Variants in MGLL observed in about 807,000 individuals in gnomAD.
MGLL encodes the protein lysophospholipase homolog.
MGLL carries 7 observed loss-of-function variants against 29.1 expected under a neutral mutation model. The ratio of observed to expected loss-of-function variants is 0.24; its 90% CI spans 0.14 to 0.45. The LOEUF (loss-of-function observed/expected upper bound fraction) is 0.45. Ranked by LOEUF, MGLL falls within the 20% of genes least tolerant of loss-of-function variation. MGLL has a pLI of 0.99. For missense variants in MGLL, 356 were observed against 413.6 expected (o/e 0.86, Z 1.21); for synonymous variants, 148 against 168.3 (o/e 0.88, Z 0.93).
intron 3 of MGLL, among the ~76,000 whole-genome samples, chr3:127,773,898 G>A (rs1467399944): frequency 6.6e-6 from 1 of 152,170 alleles, no homozygotes; most frequent in East Asian, 1.9e-4. Context: ...AGGTCTGGTT[G>A]ACACTGCCAC....
intron 2 of MGLL, among the ~76,000 whole-genome samples, chr3:127,784,699 T>C (rs2077184337): frequency 6.6e-6 from 1 of 152,108 alleles, no homozygotes; most frequent in Non-Finnish European, 1.5e-5. Context: ...CTCATTCTGA[T>C]CTTCAGCTTC....
intron 6 of MGLL, among the ~76,000 whole-genome samples, chr3:127,708,680 A>G (rs2107603538): frequency 6.6e-6 from 1 of 152,244 alleles, no homozygotes; most frequent in Admixed American, 6.5e-5. Context: ...TCCCTGACCC[A>G]TCTTTCTCAA....
At chr3:127,693,457 C>G (rs1052150134) in intron 7 of MGLL, among the ~76,000 whole-genome samples, 3 of 152,196 alleles carry the variant, frequency 2.0e-5, no homozygotes, top group African/African-American at 7.2e-5. Context: ...CTCCCCTGCC[C>G]CCCGCCACCA....
In MGLL at chr3:127,758,525, A is replaced by G. The variant is rs551635448; in HGVS notation, c.262+23264T>C. On this transcript the variant is annotated intron_variant, in intron 3 of 7. Transcript: ENST00000265052. ...TCAATAGCTAGAAGTTTTTCAAGCT[A>G]GACAGAAGCCCAGGTCAGCTTGGCC... Among the ~76,000 whole-genome samples the G allele has an allele frequency of 1.8e-3, 270 of 152,344 alleles. 1 individual carries two copies. Among genetic ancestry groups the G allele is most frequent in the Non-Finnish European group, 3.0e-3 (207 of 68,034 alleles).
chr3:127,752,498 A>G (rs533591110), intron 3 of MGLL, among the ~76,000 whole-genome samples: 1 of 152,266 alleles, frequency 6.6e-6, no homozygotes, highest in South Asian at 2.1e-4. Flanking sequence ...CCAGAATTAT[A>G]GACCTAACTC....
chr3:127,805,336 T>C (rs2077547050), intron 2 of MGLL, among the ~76,000 whole-genome samples: 1 of 152,080 alleles, frequency 6.6e-6, no homozygotes, highest in Admixed American at 6.5e-5. Flanking sequence ...TTAAGGAAAA[T>C]GGTCACAATT....
At chr3:127,733,970 G>A (rs771675162) in intron 3 of MGLL, among the ~76,000 whole-genome samples, 8 of 152,226 alleles carry the variant, frequency 5.3e-5, no homozygotes, top group East Asian at 1.9e-4. Flanking sequence ...CCTCCCAATC[G>A]TACAGCGTAG....
intron 5 of MGLL, chr3:127,713,948 A>C (rs1161078500): frequency 6.6e-6 from 1 of 152,354 alleles, no homozygotes; most frequent in Non-Finnish European, 1.5e-5. Context: ...GGGGGAACAG[A>C]GAGCCAGAGA....
At chr3:127,815,848 C>A (rs2077745625) in intron 2 of MGLL, among the ~76,000 whole-genome samples, 2 of 152,228 alleles carry the variant, frequency 1.3e-5, no homozygotes, top group South Asian at 4.1e-4. Context: ...GTGTGTTGGT[C>A]CATCCCACCC....
At chr3:127,758,278 C>T (rs954118576) in intron 3 of MGLL, among the ~76,000 whole-genome samples, 2 of 152,158 alleles carry the variant, frequency 1.3e-5, no homozygotes, top group African/African-American at 2.4e-5. Flanking sequence ...TTTTATTTTG[C>T]TTTGTGGCAC....
intron 6 of MGLL, among the ~76,000 whole-genome samples, chr3:127,704,029 A>AC (rs1264849405): frequency 3.3e-5 from 5 of 152,350 alleles, no homozygotes; most frequent in African/African-American, 1.2e-4. Context: ...ACACAAACAG[A>AC]CATATAACCA....
chr3:127,710,751 GGA>G (rs1182940373), intron 5 of MGLL, 86 bp from the exon 6 acceptor site: 1 of 1,201,834 alleles, frequency 8.3e-7, no homozygotes, highest in Non-Finnish European at 1.2e-6. Flanking sequence ...AGTACATTAA[GGA>G]GAGTGATGCC....
chr3:127,702,118 C>G (rs994315935), intron 6 of MGLL, among the ~76,000 whole-genome samples: 1 of 152,196 alleles, frequency 6.6e-6, no homozygotes, highest in Non-Finnish European at 1.5e-5. Context: ...GGAGATGGAG[C>G]GGGGTCCAGA....
chr3:127,724,130 TCGAGGCCCCAG>T (rs1048491683), intron 3 of MGLL, among the ~76,000 whole-genome samples: 3 of 152,166 alleles, frequency 2.0e-5, no homozygotes, highest in African/African-American at 7.2e-5. Context: ...ATGTCTGTTG[TCGAGGCCCCAG>T]TCTGTGGTCC....
At chr3:127,755,160 A>G (rs1202206272) in intron 3 of MGLL, among the ~76,000 whole-genome samples, 1 of 152,202 alleles carries the variant, frequency 6.6e-6, no homozygotes, top group Non-Finnish European at 1.5e-5. Context: ...GCTCAACCCC[A>G]GAGAGAAAAG....
At chr3:127,746,405 C>T (rs754710657) in intron 3 of MGLL, among the ~76,000 whole-genome samples, 1 of 152,126 alleles carries the variant, frequency 6.6e-6, no homozygotes, top group African/African-American at 2.4e-5. Context: ...TCAACTGCCC[C>T]CAGGCGGTCC....
chr3:127,763,389 G>C (rs2076799769), intron 3 of MGLL, among the ~76,000 whole-genome samples: 1 of 152,230 alleles, frequency 6.6e-6, no homozygotes, highest in African/African-American at 2.4e-5. Flanking sequence ...CGCGAAGCCA[G>C]GTTGGATGCA....
intron 3 of MGLL, among the ~76,000 whole-genome samples, chr3:127,745,616 A>T (rs1447641306): frequency 1.3e-5 from 2 of 152,118 alleles, no homozygotes; most frequent in Non-Finnish European, 2.9e-5. Context: ...TGGTACACTA[A>T]AATCCCAGAC....
At chr3:127,747,566 C>G (rs1279752342) in intron 3 of MGLL, among the ~76,000 whole-genome samples, 1 of 152,206 alleles carries the variant, frequency 6.6e-6, no homozygotes, top group Non-Finnish European at 1.5e-5. Context: ...CTTGTGGTTT[C>G]TTAAGTCACA....
Sources: gnomAD v4.1 joint callset for allele counts (sites outside exome capture counted in the v4.1 genomes callset) on GRCh38, gnomAD v4.1.1 for gene constraint, MANE v1.5 for transcripts, NCBI Gene and HGNC (gene_info 2026-07-23, HGNC 2026-07-21) for gene names.